The following WLS variants were observed in gnomAD, a reference collection of about 807,000 sequenced individuals.
The protein encoded by WLS is protein wntless homolog.
In WLS, 23 loss-of-function variants were observed where a neutral mutation model predicts 62.8. That is an observed-to-expected ratio of 0.37 (90% CI 0.26 to 0.52). WLS has a LOEUF of 0.52. Ranked by LOEUF, WLS falls within the 20% of genes least tolerant of loss-of-function variation. The probability of loss-of-function intolerance (pLI) is 0.92; values close to 1 mark genes in which losing one functional copy is unlikely to be tolerated. For synonymous variants in WLS, 246 were observed against 244.1 expected, an observed-to-expected ratio of 1.01 and a Z score of -0.07; for missense variants, 615 against 697.3, an observed-to-expected ratio of 0.88 and a Z score of 1.33.
chr1:68,144,080 T>C (rs1464644144), intron 10 of WLS, among the ~76,000 whole-genome samples: 1 of 152,226 alleles, frequency 6.6e-6, no homozygotes, highest in Non-Finnish European at 1.5e-5. Flanking sequence ...TGATTGTTAT[T>C]GAGATTTTCA....
chr1:68,146,774 C>T (rs1646757790), intron 8 of WLS, among the ~76,000 whole-genome samples: 1 of 152,186 alleles, frequency 6.6e-6, no homozygotes, highest in Non-Finnish European at 1.5e-5. Flanking sequence ...ACTAGGGAGA[C>T]TGACCTGCCA....
chr1:68,137,052 G>T (rs2566784), intron 11 of WLS, among the ~76,000 whole-genome samples: 39,270 of 152,090 alleles, frequency 0.26, 5,128 homozygotes, highest in East Asian at 0.38. Flanking sequence ...TGTTTATCAG[G>T]CCACCTGTTA....
Position 68,126,049 on chromosome 1 carries a change from C to A in WLS, c.*177G>T. 1 of 1,434,082 alleles carries A rather than the reference C, an allele frequency of 7.0e-7. No homozygotes were observed. Among genetic ancestry groups the A allele is most frequent in the Non-Finnish European group, 9.2e-7 (1 of 1,090,452 alleles). The allele number at this position is 1,434,082 out of a possible 1,614,324, so 88.8% of individuals were successfully genotyped here. A position where few individuals can be genotyped will look rare whatever the true frequency, so the allele number is the denominator to read the frequency against. ...TGCATTAGTGGCTGCAGGAATCTTC[C>A]TCCAAAAGCTACCGTCAGAAGGCAA... On this transcript the variant is annotated 3_prime_UTR_variant, in exon 12 of 12. Coordinates refer to ENST00000262348, the MANE Select transcript of WLS (RefSeq NM_024911.7).
At chr1:68,128,947 CTCT>C (rs775804729) in intron 11 of WLS, among the ~76,000 whole-genome samples, 7 of 150,444 alleles carry the variant, frequency 4.7e-5, no homozygotes, top group South Asian at 2.1e-4. Flanking sequence ...GTTCTGCTGC[CTCT>C]TCTTAAATAT....
rs766580943 is a variant in WLS at position 68,126,250 on chromosome 1, C to T, written c.1602G>A (p.Leu534=). 1 of 1,614,160 alleles carries T rather than the reference C, an allele frequency of 6.2e-7. No homozygotes were observed. The highest frequency in any genetic ancestry group is 1.7e-5 in the Admixed American group (1 of 60,024). ...HVDGPTEIYK[L]TRKEAQE ...CCTACTCCTGGGCCTCCTTGCGGGT[C>T]AACTTGTAGATCTCAGTGGGTCCGT... Residue 534 remains leucine (L), a synonymous_variant, in exon 12 of 12, where the codon TTG becomes TTA. Transcript: ENST00000262348.
chr1:68,196,958 A>T (rs1648698852), intron 1 of WLS, among the ~76,000 whole-genome samples: 2 of 152,172 alleles, frequency 1.3e-5, no homozygotes, highest in African/African-American at 4.8e-5. Context: ...TGGTTGGAGA[A>T]ATAAACAGTG....
At chr1:68,169,413 G>T (rs1017074960) in intron 2 of WLS, among the ~76,000 whole-genome samples, 6 of 152,144 alleles carry the variant, frequency 3.9e-5, no homozygotes, top group African/African-American at 1.2e-4. Context: ...CATATCTATT[G>T]TTCACCAGGT....
At chr1:68,190,713 C>A (rs1648243408) in intron 2 of WLS, among the ~76,000 whole-genome samples, 1 of 152,112 alleles carries the variant, frequency 6.6e-6, no homozygotes, top group Non-Finnish European at 1.5e-5. Context: ...AGAGTTTGAG[C>A]CAGAGACTCC....
chr1:68,115,786 T>TTTTTGTAAAACTTTATACAAAACCTCA (rs1486453064), intron 11 of WLS, among the ~76,000 whole-genome samples: 1 of 152,226 alleles, frequency 6.6e-6, no homozygotes, highest in African/African-American at 2.4e-5. Flanking sequence ...TCTTATAAAG[T>TTTTTGTAAAACTTTATACAAAACCTCA]TAAAATTTTT....
rs1646417132 is a variant in WLS at position 68,125,553 on chromosome 1, G to GCAAA, written c.*669_*672dup. 1.0e-5 allele frequency: 10 copies of GCAAA among 985,390 alleles called. No homozygotes were observed. The South Asian group carries it at 3.8e-4, about 37-fold the overall frequency. The allele number at this position is 985,390 out of a possible 1,614,324, so 61.0% of individuals were successfully genotyped here. ...CAGTAAATCTTACTTGGGTAGTTTA[G>GCAAA]CAAACATTTTTTAAAACCCACATCC... On this transcript the variant is annotated 3_prime_UTR_variant, in exon 12 of 12. Coordinates refer to ENST00000262348, the MANE Select transcript of WLS (RefSeq NM_024911.7).
At chr1:68,181,066 C>T (rs17130551) in intron 2 of WLS, among the ~76,000 whole-genome samples, 11,902 of 152,198 alleles carry the variant, frequency 0.078, 500 homozygotes, top group Admixed American at 0.1. Context: ...TTCTGCCTTG[C>T]TCTCATTTAA....
At position 68,150,317 on chromosome 1, in the gene WLS, AT is replaced by A; in HGVS notation, c.842del (p.Asn281IlefsTer43). The A allele has an allele frequency of 6.2e-7, 1 of 1,614,216 alleles. No individual in the cohort carries two copies. The highest frequency in any genetic ancestry group is 8.5e-7 in the Non-Finnish European group (1 of 1,180,030). ...FALGISMTFI[N>X]IPVEWFSIGF... ...CGATGGAAAACCATTCCACTGGGAT[AT>A]TGATAAAGGTCATGGAAATCCCAAG... On this transcript the variant is annotated frameshift_variant, in exon 6 of 12. Coordinates refer to ENST00000262348, the MANE Select transcript of WLS (RefSeq NM_024911.7). LOFTEE classifies it high-confidence loss of function.
chr1:68,126,969 C>G (rs1315066264), intron 11 of WLS: 3 of 261,164 alleles, frequency 1.1e-5, no homozygotes, highest in Non-Finnish European at 2.3e-5. Flanking sequence ...GGTAGGAGGA[C>G]TGCTTGTGGC....
chr1:68,143,111 TA>T (rs1199610755), intron 10 of WLS, among the ~76,000 whole-genome samples: 1 of 152,186 alleles, frequency 6.6e-6, no homozygotes, highest in Non-Finnish European at 1.5e-5. Context: ...CGAAGTATTT[TA>T]TTTTACTTAT....
At chr1:68,114,901 C>A (rs770612454) in intron 11 of WLS, among the ~76,000 whole-genome samples, 5 of 152,282 alleles carry the variant, frequency 3.3e-5, no homozygotes, top group African/African-American at 1.2e-4. Flanking sequence ...GCTGGAGTGA[C>A]CTCAGTGGTA....
intron 2 of WLS, among the ~76,000 whole-genome samples, chr1:68,172,007 T>C (rs780905336): frequency 1.3e-5 from 2 of 152,186 alleles, no homozygotes; most frequent in Admixed American, 6.5e-5. Flanking sequence ...GTTCATGTCC[T>C]TTGTAGGGAC....
chr1:68,214,182 AACAC>A (rs71581159), intron 1 of WLS, among the ~76,000 whole-genome samples: 83 of 146,610 alleles, frequency 5.7e-4, no homozygotes, highest in Middle Eastern at 7.0e-3. Flanking sequence ...GTGATCTCTG[AACAC>A]ACACACACAC....
chr1:68,162,701 C>T, intron 2 of WLS: 2 of 1,204,044 alleles, frequency 1.7e-6, no homozygotes, highest in East Asian at 2.3e-5. Flanking sequence ...GTCTCTTCCA[C>T]GGCTGCAGAC....
chr1:68,120,921 C>T (rs1646356940), downstream of WLS, among the ~76,000 whole-genome samples: 1 of 152,290 alleles, frequency 6.6e-6, no homozygotes, highest in South Asian at 2.1e-4. Context: ...CTAAAGATGT[C>T]CCTTAACCTA....
Sources: allele counts gnomAD v4.1 joint callset (sites outside exome capture counted in the v4.1 genomes callset), GRCh38; gene constraint gnomAD v4.1.1; transcripts MANE v1.5; gene names NCBI Gene and HGNC (gene_info 2026-07-23, HGNC 2026-07-21).